The following MACROD2 variants were observed in gnomAD, a reference collection of about 807,000 sequenced individuals.
MACROD2 encodes the protein mono-ADP ribosylhydrolase 2.
A neutral mutation model predicts 70.4 loss-of-function variants in MACROD2; 36 were observed. The ratio of observed to expected loss-of-function variants is 0.51; its 90% CI spans 0.39 to 0.68. The LOEUF is 0.68. Among genes scored for constraint, MACROD2 ranks in the 30% least tolerant of loss-of-function variants. MACROD2 has a pLI of 0.00. For synonymous variants in MACROD2, 172 were observed against 178.8 expected (o/e 0.96, Z 0.30); for missense variants, 496 against 538.4 (o/e 0.92, Z 0.78).
intron 5 of MACROD2, among the ~76,000 whole-genome samples, chr20:14,764,715 G>A (rs1225490090): frequency 6.6e-6 from 1 of 152,158 alleles, no homozygotes; most frequent in African/African-American, 2.4e-5. Context: ...AAGTACTGCT[G>A]AGCTTAGAAG....
At chr20:15,129,968 C>T (rs1020713031) in intron 5 of MACROD2, among the ~76,000 whole-genome samples, 1 of 152,018 alleles carries the variant, frequency 6.6e-6, no homozygotes, top group African/African-American at 2.4e-5. Flanking sequence ...TAGGATGATC[C>T]ACATCTGTTC....
At chr20:15,060,044 A>G (rs2075519507) in intron 5 of MACROD2, among the ~76,000 whole-genome samples, 1 of 152,206 alleles carries the variant, frequency 6.6e-6, no homozygotes, top group African/African-American at 2.4e-5. Context: ...TCTGGTACAA[A>G]TATGTGAAGG....
At chr20:14,921,068 A>G (rs1425925422) in intron 5 of MACROD2, among the ~76,000 whole-genome samples, 1 of 152,090 alleles carries the variant, frequency 6.6e-6, no homozygotes, top group African/African-American at 2.4e-5. Flanking sequence ...TTAAACCACA[A>G]CCATTTTTAC....
intron 5 of MACROD2, among the ~76,000 whole-genome samples, chr20:14,961,028 C>T (rs962414300): frequency 6.6e-6 from 1 of 152,066 alleles, no homozygotes; most frequent in Non-Finnish European, 1.5e-5. Context: ...TCTTTATGTG[C>T]TAAGGATAAA....
intron 15 of MACROD2, among the ~76,000 whole-genome samples, chr20:16,014,026 G>T (rs2066898726): frequency 6.6e-6 from 1 of 152,194 alleles, no homozygotes; most frequent in East Asian, 1.9e-4. Context: ...TCGGCAAAAT[G>T]AAGGGATCCA....
intron 5 of MACROD2, among the ~76,000 whole-genome samples, chr20:14,773,734 G>A (rs2072200184): frequency 6.6e-6 from 1 of 152,060 alleles, no homozygotes; most frequent in Non-Finnish European, 1.5e-5. Context: ...TGTACAGTAA[G>A]TCTGACATCA....
At chr20:15,343,540 C>T (rs1300245813) in intron 6 of MACROD2, among the ~76,000 whole-genome samples, 1 of 152,094 alleles carries the variant, frequency 6.6e-6, no homozygotes, top group East Asian at 1.9e-4. Context: ...AAACACTGAC[C>T]TGTCTTTAGC....
chr20:15,815,821 G>A (rs1369606719), intron 8 of MACROD2, among the ~76,000 whole-genome samples: 1 of 152,048 alleles, frequency 6.6e-6, no homozygotes, highest in Non-Finnish European at 1.5e-5. Flanking sequence ...TAAGTAAAAT[G>A]GGATTCTAGA....
chr20:14,503,141 A>G (rs1276360389), intron 4 of MACROD2, among the ~76,000 whole-genome samples: 1 of 152,186 alleles, frequency 6.6e-6, no homozygotes, highest in Non-Finnish European at 1.5e-5. Context: ...GGAACAAGGG[A>G]TCCCACAGAA....
At chr20:14,494,742 T>C (rs1456673632) in intron 4 of MACROD2, among the ~76,000 whole-genome samples, 4 of 152,302 alleles carry the variant, frequency 2.6e-5, no homozygotes, top group Admixed American at 1.3e-4. Flanking sequence ...TTTTCTTCTT[T>C]CCTAAGTTAT....
intron 5 of MACROD2, among the ~76,000 whole-genome samples, chr20:14,715,904 A>G (rs2071392174): frequency 6.6e-6 from 1 of 152,176 alleles, no homozygotes; most frequent in African/African-American, 2.4e-5. Flanking sequence ...ATAATTAACC[A>G]ATCAGGATGA....
chr20:15,094,083 C>T (rs1216470168), intron 5 of MACROD2, among the ~76,000 whole-genome samples: 2 of 152,174 alleles, frequency 1.3e-5, no homozygotes, highest in Admixed American at 6.5e-5. Context: ...AATGAATTCA[C>T]ATTAATTCTT....
chr20:15,769,864 T>G (rs1407280190), intron 8 of MACROD2, among the ~76,000 whole-genome samples: 1 of 152,180 alleles, frequency 6.6e-6, no homozygotes, highest in Non-Finnish European at 1.5e-5. Context: ...GTTTTACATT[T>G]GTTAATCTCA....
intron 4 of MACROD2, among the ~76,000 whole-genome samples, chr20:14,558,523 T>C (rs2123283825): frequency 6.6e-6 from 1 of 151,780 alleles, no homozygotes; most frequent in East Asian, 1.9e-4. Flanking sequence ...AAACATGAAT[T>C]TAAGAAAAAA....
At chr20:14,921,968 G>C (rs1197465167) in intron 5 of MACROD2, among the ~76,000 whole-genome samples, 3 of 152,132 alleles carry the variant, frequency 2.0e-5, no homozygotes, top group Non-Finnish European at 4.4e-5. Flanking sequence ...CTCTAACCAA[G>C]TCTCTTTTAG....
At chr20:14,846,700 G>C (rs1220639606) in intron 5 of MACROD2, among the ~76,000 whole-genome samples, 1 of 151,974 alleles carries the variant, frequency 6.6e-6, no homozygotes, top group African/African-American at 2.4e-5. Flanking sequence ...TATATTTTTA[G>C]TAGAGACAGG....
At chr20:14,584,390 A>G (rs547210787) in intron 4 of MACROD2, among the ~76,000 whole-genome samples, 1 of 152,282 alleles carries the variant, frequency 6.6e-6, no homozygotes, top group South Asian at 2.1e-4. Flanking sequence ...GGTAGCTTAA[A>G]CAACAAACAT....
rs558832188 is a variant in MACROD2, at chr20:15,432,137, A to G, written c.571+702A>G. The stretch of plus-strand genomic sequence containing the variant: ...TTCTGATCTAAGTGAAATAGATTAC[A>G]TTCTTTCTGAACTTAAACTTCTCAC... On this transcript the variant is annotated intron_variant, in intron 7 of 17. Coordinates refer to ENST00000684519, the MANE Select transcript of MACROD2 (RefSeq NM_001351661.2). 9.5e-4 allele frequency among the ~76,000 whole-genome samples: 144 copies of G among 152,196 alleles called. 2 individuals carry two copies. Among genetic ancestry groups the G allele is most frequent in the Admixed American group, 7.9e-3 (120 of 15,254 alleles).
chr20:15,939,569 C>T (rs914843739), intron 12 of MACROD2, among the ~76,000 whole-genome samples: 8 of 151,236 alleles, frequency 5.3e-5, no homozygotes, highest in African/African-American at 1.5e-4. Context: ...CCTGGTCTTC[C>T]GAGAGTTCCG....
Sources: gnomAD v4.1 joint callset for allele counts (sites outside exome capture counted in the v4.1 genomes callset) on GRCh38, gnomAD v4.1.1 for gene constraint, MANE v1.5 for transcripts, NCBI Gene and HGNC (gene_info 2026-07-23, HGNC 2026-07-21) for gene names.